LYPD6B: variants seen among roughly 807,000 people sequenced by gnomAD.
The protein encoded by LYPD6B is ly6/PLAUR domain-containing protein 6B.
Under a neutral mutation model 22.8 loss-of-function variants are expected in LYPD6B, and 17 were observed. The ratio of observed to expected loss-of-function variants is 0.75; its 90% CI spans 0.51 to 1.12. LYPD6B has a LOEUF of 1.12. LYPD6B is among the 50% of genes most tolerant of loss of function. LYPD6B has a pLI of 0.00. For missense variants in LYPD6B, 221 were observed against 258.3 expected, an observed-to-expected ratio of 0.86 and a Z score of 0.99; for synonymous variants, 106 against 91.6, an observed-to-expected ratio of 1.16 and a Z score of -0.90.
At chr2:149,088,423 G>A (rs530701727) in intron 1 of LYPD6B, among the ~76,000 whole-genome samples, 2 of 152,218 alleles carry the variant, frequency 1.3e-5, no homozygotes, top group South Asian at 4.2e-4. Flanking sequence ...CAAGTGTTTT[G>A]ATTTTCTAGT....
intron 3 of LYPD6B, among the ~76,000 whole-genome samples, chr2:149,174,759 T>C (rs1201638906): frequency 6.6e-6 from 1 of 151,288 alleles, no homozygotes; most frequent in African/African-American, 2.4e-5. Context: ...ATTAGCTTTT[T>C]GATGTGCTGC....
chr2:149,150,473 ATTGT>A (rs576666480), intron 2 of LYPD6B, among the ~76,000 whole-genome samples: 14 of 152,108 alleles, frequency 9.2e-5, no homozygotes, highest in East Asian at 1.9e-4. Flanking sequence ...AAAGAGTGAA[ATTGT>A]TTGTTTGTTT....
intron 2 of LYPD6B, among the ~76,000 whole-genome samples, chr2:149,135,573 A>G (rs1688311283): frequency 6.6e-6 from 1 of 151,940 alleles, no homozygotes; most frequent in Non-Finnish European, 1.5e-5. Flanking sequence ...TACAAAAATA[A>G]GCCAGGGGTG....
chr2:149,067,916 G>A (rs1161895820), intron 1 of LYPD6B, among the ~76,000 whole-genome samples: 2 of 152,200 alleles, frequency 1.3e-5, no homozygotes, highest in Admixed American at 1.3e-4. Flanking sequence ...TGCTTTGGAA[G>A]AATGCGTGAC....
At chr2:149,071,565 A>G (rs1684604100) in intron 1 of LYPD6B, among the ~76,000 whole-genome samples, 1 of 152,202 alleles carries the variant, frequency 6.6e-6, no homozygotes, top group South Asian at 2.1e-4. Flanking sequence ...GACTCGAATC[A>G]GTAGATATAA....
At chr2:149,169,064 G>C (rs1690635023) in intron 3 of LYPD6B, among the ~76,000 whole-genome samples, 1 of 152,076 alleles carries the variant, frequency 6.6e-6, no homozygotes, top group African/African-American at 2.4e-5. Context: ...CCTCAAAAAG[G>C]GTAAATTTGA....
At chr2:149,134,451 C>G (rs145833403) in intron 2 of LYPD6B, among the ~76,000 whole-genome samples, 1 of 152,162 alleles carries the variant, frequency 6.6e-6, no homozygotes, top group Non-Finnish European at 1.5e-5. Flanking sequence ...AACTCTTTAT[C>G]GCTTCTAAGG....
chr2:149,073,747 A>G (rs139152813), intron 1 of LYPD6B, among the ~76,000 whole-genome samples: 1 of 152,136 alleles, frequency 6.6e-6, no homozygotes, highest in East Asian at 1.9e-4. Flanking sequence ...AAAACTCTGC[A>G]GGCAGGGTGA....
chr2:149,170,165 C>T (rs935138875), intron 3 of LYPD6B, among the ~76,000 whole-genome samples: 1 of 152,178 alleles, frequency 6.6e-6, no homozygotes, highest in African/African-American at 2.4e-5. Context: ...TGGTTGATCA[C>T]AAGGGCAAAG....
intron 1 of LYPD6B, among the ~76,000 whole-genome samples, chr2:149,113,038 A>G (rs1053807783): frequency 2.0e-5 from 3 of 152,220 alleles, no homozygotes; most frequent in African/African-American, 4.8e-5. Context: ...GAAAGTTTAC[A>G]TGGTACCTAC....
chr2:149,175,597 T>G (rs1308299642), intron 3 of LYPD6B, among the ~76,000 whole-genome samples: 1 of 152,074 alleles, frequency 6.6e-6, no homozygotes, highest in Non-Finnish European at 1.5e-5. Context: ...GATTTTTAAC[T>G]TTTTCACAGT....
intron 1 of LYPD6B, among the ~76,000 whole-genome samples, chr2:149,121,102 G>T (rs1687327931): frequency 6.6e-6 from 1 of 152,118 alleles, no homozygotes; most frequent in South Asian, 2.1e-4. Context: ...AAGTCTTAAT[G>T]ATATTTCAAG....
chr2:149,160,008 G>T (rs1689953743), intron 2 of LYPD6B, among the ~76,000 whole-genome samples: 1 of 151,362 alleles, frequency 6.6e-6, no homozygotes. Flanking sequence ...TATCACATTA[G>T]TCAGGTGTGG....
intron 1 of LYPD6B, among the ~76,000 whole-genome samples, chr2:149,110,007 G>A (rs540314228): frequency 5.7e-4 from 86 of 152,000 alleles, no homozygotes; most frequent in Non-Finnish European, 3.4e-4. Flanking sequence ...CACCGTACCC[G>A]GCCACGTTCT....
At chr2:149,040,725 T>G (rs996344552) in intron 1 of LYPD6B, among the ~76,000 whole-genome samples, 1 of 152,202 alleles carries the variant, frequency 6.6e-6, no homozygotes, top group African/African-American at 2.4e-5. Context: ...CATTTTACTA[T>G]CTCTGTCTTT....
rs1288637809 is a variant in LYPD6B, at chr2:149,120,627, C to A, written c.-66-10256C>A. ...CTCTATCTCCTGACCTCATGATCCG[C>A]CCGCCTCAGCCTCCCAAAGTGCTGG... On this transcript the variant is annotated intron_variant, in intron 1 of 6. Coordinates refer to ENST00000409642, the MANE Select transcript of LYPD6B (RefSeq NM_177964.5). Among the ~76,000 whole-genome samples the A allele has an allele frequency of 2.7e-5, 4 of 149,820 alleles. No individual in the cohort carries two copies. The South Asian group carries it at 6.3e-4, about 23-fold the overall frequency.
At chr2:149,129,142 A>G (rs1396726304) in intron 1 of LYPD6B, among the ~76,000 whole-genome samples, 1 of 152,214 alleles carries the variant, frequency 6.6e-6, no homozygotes, top group Non-Finnish European at 1.5e-5. Flanking sequence ...TAAACAGAAA[A>G]AGGTCCTCTG....
chr2:149,068,523 A>T (rs1684445810), intron 1 of LYPD6B: 1 of 286,702 alleles, frequency 3.5e-6, no homozygotes, highest in Admixed American at 4.3e-5. Context: ...CATACTTTAT[A>T]CTTTTTATAA....
intron 1 of LYPD6B, among the ~76,000 whole-genome samples, chr2:149,074,097 A>G (rs1251280744): frequency 1.3e-5 from 2 of 152,006 alleles, no homozygotes; most frequent in Admixed American, 1.3e-4. Context: ...TAGCCAAGAC[A>G]TGGCCAAGTT....
Sources: gnomAD v4.1 joint callset for allele counts (sites outside exome capture counted in the v4.1 genomes callset) on GRCh38, gnomAD v4.1.1 for gene constraint, MANE v1.5 for transcripts, NCBI Gene and HGNC (gene_info 2026-07-23, HGNC 2026-07-21) for gene names.